The following MCTP2 variants were observed in gnomAD, a reference collection of about 807,000 sequenced individuals.
MCTP2 encodes the protein multiple C2 and transmembrane domain containing 2.
A neutral mutation model predicts 111.6 loss-of-function variants in MCTP2; 132 were observed. The observed-to-expected ratio is 1.18, with a 90% CI of 1.03 to 1.37. MCTP2 has a LOEUF of 1.37. Among genes scored for constraint, MCTP2 ranks in the 40% most tolerant of loss-of-function variants. The pLI, the probability that MCTP2 is intolerant of heterozygous loss-of-function variation, is 0.00. For missense variants in MCTP2, 1,183 were observed against 1,067.9 expected, an observed-to-expected ratio of 1.11 and a Z score of -1.50; for synonymous variants, 395 against 387.7, an observed-to-expected ratio of 1.02 and a Z score of -0.22.
chr15:94,307,044 A>G (rs2075915609), intron 2 of MCTP2, among the ~76,000 whole-genome samples: 5 of 152,174 alleles, frequency 3.3e-5, no homozygotes, highest in Admixed American at 2.6e-4. Flanking sequence ...TGTGTCAGCT[A>G]CATCCCAGGG....
At chr15:94,310,127 C>T (rs1245380581) in intron 2 of MCTP2, among the ~76,000 whole-genome samples, 1 of 152,178 alleles carries the variant, frequency 6.6e-6, no homozygotes, top group Non-Finnish European at 1.5e-5. Flanking sequence ...GGATGGAACA[C>T]TACTCAGCAA....
intron 4 of MCTP2, among the ~76,000 whole-genome samples, chr15:94,330,021 T>C (rs1189599614): frequency 6.6e-6 from 1 of 152,224 alleles, no homozygotes; most frequent in African/African-American, 2.4e-5. Flanking sequence ...ATTTGATTTC[T>C]TTTTAGATGC....
intron 1 of MCTP2, among the ~76,000 whole-genome samples, chr15:94,269,110 A>C (rs138683177): frequency 5.5e-4 from 83 of 152,254 alleles, no homozygotes; most frequent in Admixed American, 1.2e-3. Context: ...TGTCTTTCAC[A>C]CTTAGCACTT....
chr15:94,394,253 T>A (rs2081161918), intron 14 of MCTP2, among the ~76,000 whole-genome samples: 1 of 152,004 alleles, frequency 6.6e-6, no homozygotes, highest in African/African-American at 2.4e-5. Flanking sequence ...TGCATTTCTT[T>A]GTTGCTGAAG....
chr15:94,402,740 A>G (rs148983118), intron 17 of MCTP2: 301 of 1,432,882 alleles, frequency 2.1e-4, no homozygotes, highest in Non-Finnish European at 2.5e-4. Flanking sequence ...AATGTCAGCC[A>G]TGGGAGGAGA....
chr15:94,435,074 A>G (rs1041961379), intron 17 of MCTP2, among the ~76,000 whole-genome samples: 1 of 152,018 alleles, frequency 6.6e-6, no homozygotes, highest in Non-Finnish European at 1.5e-5. Context: ...ATGTTGGCCA[A>G]GGCTGGTCCC....
intron 19 of MCTP2, among the ~76,000 whole-genome samples, chr15:94,456,505 C>G (rs1023803198): frequency 6.6e-6 from 1 of 152,110 alleles, no homozygotes; most frequent in Non-Finnish European, 1.5e-5. Flanking sequence ...AACATGAATA[C>G]TTATGTGGCA....
At chr15:94,324,062 T>C (rs2076741741) in intron 4 of MCTP2, among the ~76,000 whole-genome samples, 1 of 152,216 alleles carries the variant, frequency 6.6e-6, no homozygotes, top group South Asian at 2.1e-4. Context: ...AGAAGAAATA[T>C]GTGAGCAATC....
chr15:94,473,700 CCTCGTTT>C (rs917779225), intron 21 of MCTP2, among the ~76,000 whole-genome samples: 26 of 152,276 alleles, frequency 1.7e-4, no homozygotes, highest in East Asian at 9.6e-4. Context: ...AGGACCTATG[CCTCGTTT>C]AAGTTTGTAT....
chr15:94,334,215 T>C (rs1018984492), intron 4 of MCTP2, among the ~76,000 whole-genome samples: 1 of 152,218 alleles, frequency 6.6e-6, no homozygotes, highest in Non-Finnish European at 1.5e-5. Context: ...TCCCTTGAAG[T>C]TGATAGTTTT....
In MCTP2 at chr15:94,248,105, A is replaced by G. The variant is rs140821658; in HGVS notation, c.-66+16441A>G. On this transcript the variant is annotated intron_variant, in intron 1 of 22. Coordinates refer to ENST00000357742, the MANE Select transcript of MCTP2 (RefSeq NM_001385001.1). ...TGACATGGAGGTACTGCTTCACACT[A>G]GAAGGTCAGGATTAGAGTTAGGCTT... Among the ~76,000 whole-genome samples the G allele has an allele frequency of 5.8e-3, 886 of 152,292 alleles. 12 individuals are homozygous for G. Among genetic ancestry groups the G allele is most frequent in the African/African-American group, 0.021 (854 of 41,572 alleles).
At chr15:94,236,245 T>C (rs1252279322) in intron 1 of MCTP2, among the ~76,000 whole-genome samples, 1 of 151,922 alleles carries the variant, frequency 6.6e-6, no homozygotes, top group Non-Finnish European at 1.5e-5. Context: ...CCACAGAGGA[T>C]TTGAAGGTGA....
chr15:94,295,578 A>G (rs2075236986), intron 1 of MCTP2, among the ~76,000 whole-genome samples: 2 of 152,186 alleles, frequency 1.3e-5, no homozygotes, highest in Non-Finnish European at 2.9e-5. Context: ...CATATGGGTC[A>G]TTCCCAAACT....
intron 19 of MCTP2, among the ~76,000 whole-genome samples, chr15:94,452,636 AG>A (rs1247345185): frequency 6.6e-6 from 1 of 152,220 alleles, no homozygotes; most frequent in Non-Finnish European, 1.5e-5. Context: ...GTTGGTGCTG[AG>A]AACACAGGAT....
chr15:94,411,696 G>A (rs1026235643), intron 17 of MCTP2, among the ~76,000 whole-genome samples: 22 of 152,018 alleles, frequency 1.4e-4, no homozygotes, highest in African/African-American at 5.3e-4. Context: ...AATAACAGAT[G>A]TGTTTTAGAG....
intron 17 of MCTP2, among the ~76,000 whole-genome samples, chr15:94,408,584 A>G (rs891525838): frequency 1.3e-5 from 2 of 152,236 alleles, no homozygotes; most frequent in Non-Finnish European, 2.9e-5. Flanking sequence ...TGCACCTTCT[A>G]TTGGCAGGTT....
chr15:94,292,700 T>G (rs770669676), intron 1 of MCTP2, among the ~76,000 whole-genome samples: 1 of 152,230 alleles, frequency 6.6e-6, no homozygotes, highest in Non-Finnish European at 1.5e-5. Context: ...AACTGCTCTA[T>G]TTATTGAAAA....
intron 1 of MCTP2, among the ~76,000 whole-genome samples, chr15:94,244,485 T>A (rs899461635): frequency 3.1e-3 from 441 of 141,700 alleles, no homozygotes; most frequent in African/African-American, 0.012. Context: ...TATGTTTATA[T>A]ACGTATATGT....
intron 4 of MCTP2, among the ~76,000 whole-genome samples, chr15:94,331,237 C>T: frequency 6.6e-6 from 1 of 152,296 alleles, no homozygotes; most frequent in East Asian, 1.9e-4. Context: ...TTGAAGGTCT[C>T]TGGCTCATCT....
Sources: gnomAD v4.1 joint callset for allele counts (sites outside exome capture counted in the v4.1 genomes callset) on GRCh38, gnomAD v4.1.1 for gene constraint, MANE v1.5 for transcripts, NCBI Gene and HGNC (gene_info 2026-07-23, HGNC 2026-07-21) for gene names.